Variants in STRIP1 observed in about 807,000 individuals in gnomAD.
The protein encoded by STRIP1 is striatin-interacting protein 1.
Under a neutral mutation model 106.2 loss-of-function variants are expected in STRIP1, and 63 were observed. That is an observed-to-expected ratio of 0.59 (90% confidence interval 0.48 to 0.73). The LOEUF (loss-of-function observed/expected upper bound fraction) is 0.73. Ranked by LOEUF, STRIP1 falls within the 30% of genes least tolerant of loss-of-function variation. The pLI, the probability that STRIP1 is intolerant of heterozygous loss-of-function variation, is 0.00. For missense variants in STRIP1, 857 were observed against 1,074.8 expected (o/e 0.80, Z 2.83); for synonymous variants, 390 against 413.0 (o/e 0.94, Z 0.67).
intron 1 of STRIP1, among the ~76,000 whole-genome samples, chr1:110,037,053 T>C (rs984366118): frequency 3.9e-5 from 6 of 152,198 alleles, no homozygotes; most frequent in African/African-American, 1.4e-4. Flanking sequence ...CAGGCTGGTT[T>C]CAAAGTCCTG....
At chr1:110,041,479 A>G in intron 6 of STRIP1, 57 bp from the exon 7 acceptor site, 2 of 1,230,102 alleles carry the variant, frequency 1.6e-6, no homozygotes, top group Non-Finnish European at 2.4e-6. Context: ...GTTAGACACT[A>G]GGGTGCTCCT....
At position 110,034,724 on chromosome 1, in the gene STRIP1, A is replaced by G. The variant is rs1446281696; in HGVS notation, c.87A>G (p.Ala29=). 2 of 1,506,372 alleles carry G rather than the reference A, an allele frequency of 1.3e-6. No individual in the cohort carries two copies. Among genetic ancestry groups the G allele is most frequent in the Admixed American group, 2.3e-5 (1 of 44,356 alleles). 93.3% of individuals were successfully genotyped at this position (1,506,372 alleles called of 1,614,324 possible). A position where few individuals can be genotyped will look rare whatever the true frequency, so the allele number is the denominator to read the frequency against. Residue 29 remains alanine (A), a synonymous_variant, in exon 1 of 21, where the codon GCA becomes GCG. Transcript: ENST00000369795. ...CGCCACCTCCGCCGCCGGCAGCCGC[A>G]CAGCCACCACCCGGGGCACCGCGGG... The part of the protein sequence containing the change: ...QPPPPPPPAA[A]QPPPGAPRAA...
intron 3 of STRIP1, 109 bp downstream of exon 3, chr1:110,038,866 C>A: frequency 1.0e-6 from 1 of 983,946 alleles, no homozygotes; most frequent in Non-Finnish European, 1.5e-6. Context: ...GCCTGAGAAG[C>A]CTGCTGAACC....
At chr1:110,043,338 C>A in intron 9 of STRIP1, 68 bp downstream of exon 9, 1 of 1,482,344 alleles carries the variant, frequency 6.7e-7, no homozygotes, top group Non-Finnish European at 9.2e-7. Context: ...CAGCACAGTC[C>A]TTGGAGGAGC....
rs530483460 is a variant in STRIP1 at position 110,050,582 on chromosome 1, G to T, written c.1956+173G>T. ...CAGAAGGGCCAGGAGGAGGGCTCTT[G>T]CAGAGCAGAGAGATTTGGATTTAGG... On this transcript the variant is annotated intron_variant, in intron 18 of 20. Transcript: ENST00000369795. 5.7e-3 allele frequency among the ~76,000 whole-genome samples: 873 copies of T among 152,362 alleles called. 8 individuals carry two copies. Among genetic ancestry groups the T allele is most frequent in the Middle Eastern group, 0.014 (4 of 294 alleles).
intron 1 of STRIP1, among the ~76,000 whole-genome samples, chr1:110,036,941 A>G (rs1159723942): frequency 2.6e-5 from 4 of 152,188 alleles, no homozygotes; most frequent in African/African-American, 7.2e-5. Context: ...CTCCTGCCTT[A>G]GCCTCCCGAG....
rs72976678 is a variant in STRIP1 at position 110,040,503 on chromosome 1, C to T, written c.582-132C>T. On this transcript the variant is annotated intron_variant, in intron 5 of 20. Coordinates refer to ENST00000369795, the MANE Select transcript of STRIP1 (RefSeq NM_033088.4). ...AGCCATGGTCTGGTTTCTTAACCAC[C>T]GTGTCCTGTGGCCTCTTGTGCAGTC... The T allele has an allele frequency of 9.6e-3, 7,562 of 789,422 alleles. 404 individuals are homozygous for T. In the African/African-American group the frequency reaches 0.11, roughly 12 times the overall value. The allele number at this position is 789,422 out of a possible 1,614,324, so 48.9% of individuals were successfully genotyped here.
chr1:110,049,650 A>G (rs1653198989), intron 17 of STRIP1, 90 bp downstream of exon 17: 1 of 905,234 alleles, frequency 1.1e-6, no homozygotes, highest in African/African-American at 1.7e-5. Context: ...TTTTTCCAGC[A>G]CCTACGAGCC....
intron 20 of STRIP1, 138 bp from the exon 21 acceptor site, chr1:110,053,527 G>A: frequency 8.1e-7 from 1 of 1,238,178 alleles, no homozygotes; most frequent in East Asian, 2.3e-5. Flanking sequence ...ATCTAGGAAG[G>A]AATTCCTGGC....
rs374215745 is a variant in STRIP1, at chr1:110,051,125, G to T, written c.2061+65G>T. The T allele has an allele frequency of 2.1e-5, 23 of 1,081,158 alleles. 1 individual carries two copies. The African/African-American group carries it at 3.4e-4, about 16-fold the overall frequency. 67.0% of individuals were successfully genotyped at this position (1,081,158 alleles called of 1,614,324 possible). Reference sequence around the variant, plus strand: ...GCTCAAAGAAGAGTGCTGGGAGCAGGGAGTCCCCAGGGTGGGGCTCACTGT... The same window carrying T: ...GCTCAAAGAAGAGTGCTGGGAGCAGTGAGTCCCCAGGGTGGGGCTCACTGT... On this transcript the variant is annotated intron_variant, in intron 19 of 20. Transcript: ENST00000369795.
intron 14 of STRIP1, 67 bp from the exon 15 acceptor site, chr1:110,047,705 G>T: frequency 6.5e-7 from 1 of 1,539,812 alleles, no homozygotes; most frequent in Non-Finnish European, 8.8e-7. Flanking sequence ...CCAACAGGAG[G>T]ACTGCTCAGA....
rs1396086545 is a variant in STRIP1, at chr1:110,054,549, A to G, written c.*637A>G. On this transcript the variant is annotated 3_prime_UTR_variant, in exon 21 of 21. Transcript: ENST00000369795. Reference sequence around the variant, plus strand: ...CCTTTTGGCTTTCGAGGGCCTGTAAATATCTATATATAATTCTGTGTGTAT... The same window carrying G: ...CCTTTTGGCTTTCGAGGGCCTGTAAGTATCTATATATAATTCTGTGTGTAT... The G allele has an allele frequency of 6.5e-6, 1 of 153,040 alleles. No individual in the cohort carries two copies. The highest frequency in any genetic ancestry group is 1.5e-5 in the Non-Finnish European group (1 of 68,384). 9.5% of individuals were successfully genotyped at this position (153,040 alleles called of 1,614,324 possible).
chr1:110,038,330 A>G, intron 2 of STRIP1: 2 of 225,788 alleles, frequency 8.9e-6, no homozygotes, highest in Non-Finnish European at 1.8e-5. Flanking sequence ...CTCTCATGTA[A>G]TGCGAGGTCG....
intron 19 of STRIP1, 85 bp from the exon 20 acceptor site, chr1:110,051,598 C>T: frequency 7.3e-7 from 1 of 1,368,132 alleles, no homozygotes; most frequent in Non-Finnish European, 1.0e-6. Flanking sequence ...CAGTAACTTC[C>T]AAAGGGTTAA....
At chr1:110,034,603 T>G (rs749387777), upstream of STRIP1, 134 of 1,477,814 alleles carry the variant, frequency 9.1e-5, no homozygotes, top group Non-Finnish European at 1.2e-4. Flanking sequence ...ACGGCGGCTG[T>G]GCGCGAGTTA....
Position 110,051,885 on chromosome 1 carries a change from A to G in STRIP1, c.2264A>G (p.Asn755Ser). 6.2e-7 allele frequency: 1 copy of G among 1,612,054 alleles called. No homozygotes were observed. The highest frequency in any genetic ancestry group is 8.5e-7 in the Non-Finnish European group (1 of 1,179,840). Residue 755 changes from asparagine (N) to serine (S), a missense_variant and splice_region_variant, in exon 20 of 21, where the codon AAT becomes AGT. Physicochemically the swap from Asn to Ser is conservative, Grantham distance 46 (BLOSUM62 1). Around this residue, in one of 2 missense-constraint regions of STRIP1, gnomAD observed 750 missense variants for 989.8 expected, o/e 0.76. Transcript: ENST00000369795. ...CTGAACGACGACTGGGCATACGGCA[A>G]TGGTGAGACTCTGCACTCAGCCAGA... The part of the protein sequence containing the change: ...HRLNDDWAYG[N>S]DLDARPWDFQ...
chr1:110,032,378 G>A (rs1652235345), upstream of STRIP1, among the ~76,000 whole-genome samples: 1 of 152,212 alleles, frequency 6.6e-6, no homozygotes, highest in Non-Finnish European at 1.5e-5. Context: ...TCACTGGAGA[G>A]TTGTATCACA....
intron 13 of STRIP1, 127 bp downstream of exon 13, chr1:110,046,878 C>T (rs1487192539): frequency 2.8e-5 from 18 of 634,504 alleles, no homozygotes; most frequent in East Asian, 6.3e-5. Context: ...GGTGAAACCC[C>T]GTCTCTACTA....
chr1:110,051,524 T>G (rs887375448), intron 19 of STRIP1, among the ~76,000 whole-genome samples, 159 bp from the exon 20 acceptor site: 1 of 152,196 alleles, frequency 6.6e-6, no homozygotes, highest in Admixed American at 6.5e-5. Flanking sequence ...GTTTTAGCAT[T>G]TAAAGTCCTA....
Sources: gnomAD v4.1 joint callset for allele counts (sites outside exome capture counted in the v4.1 genomes callset) on GRCh38, gnomAD v4.1.1 for gene constraint, gnomAD v4.1.1 regional missense constraint, MANE v1.5 for transcripts, NCBI Gene and HGNC (gene_info 2026-07-23, HGNC 2026-07-21) for gene names.